The following RABGEF1 variants were observed in gnomAD, a reference collection of about 807,000 sequenced individuals.
The protein encoded by RABGEF1 is RAB guanine nucleotide exchange factor 1, also known as rab5 GDP/GTP exchange factor.
RABGEF1 carries 26 observed loss-of-function variants against 57.3 expected under a neutral mutation model. The observed-to-expected ratio is 0.45, with a 90% CI of 0.33 to 0.63. The LOEUF is 0.63. Ranked by LOEUF, RABGEF1 falls within the 20% of genes least tolerant of loss-of-function variation. RABGEF1 has a pLI of 0.02. For missense variants in RABGEF1, 464 were observed against 607.6 expected (o/e 0.76, Z 2.48); for synonymous variants, 185 against 210.7 (o/e 0.88, Z 1.06).
rs1224800315 is a variant in RABGEF1 at position 66,753,701 on chromosome 7, G to GTTTTTTTTTTTTT, written c.-18+12920_-18+12932dup. 4.7e-4 allele frequency among the ~76,000 whole-genome samples: 37 copies of GTTTTTTTTTTTTT among 78,772 alleles called. 5 individuals are homozygous for GTTTTTTTTTTTTT. In the East Asian group the frequency reaches 5.5e-3, roughly 12 times the overall value. 51.7% of individuals were successfully genotyped at this position (78,772 alleles called of 152,430 possible). A position where few individuals can be genotyped will look rare whatever the true frequency, so the allele number is the denominator to read the frequency against. On this transcript the variant is annotated intron_variant, in intron 1 of 8. Coordinates refer to ENST00000284957, the MANE Select transcript of RABGEF1 (RefSeq NM_014504.3). ...ATCTGAAAATGTCTATTTTGCCATC[G>GTTTTTTTTTTTTT]TTTTTTTTTTTTTTTTTTTTTTTGA...
intron 1 of RABGEF1, among the ~76,000 whole-genome samples, chr7:66,757,584 A>G (rs1803068443): frequency 6.6e-6 from 1 of 152,224 alleles, no homozygotes; most frequent in African/African-American, 2.4e-5. Flanking sequence ...TATGTACCAT[A>G]TACAGTAACT....
intron 4 of RABGEF1, among the ~76,000 whole-genome samples, chr7:66,785,059 A>G (rs180694905): frequency 2.0e-5 from 3 of 152,320 alleles, no homozygotes; most frequent in Admixed American, 1.3e-4. Context: ...TGTATGCTGT[A>G]TAATATGTTT....
At chr7:66,688,952 G>C (rs1299447751) in intron 1 of RABGEF1, among the ~76,000 whole-genome samples, 1 of 152,100 alleles carries the variant, frequency 6.6e-6, no homozygotes, top group Non-Finnish European at 1.5e-5. Flanking sequence ...AATTAGCCAG[G>C]CATGGTGGTG....
chr7:66,661,649 T>C, the RABGEF1 span, among the ~76,000 whole-genome samples: 17 of 152,150 alleles, frequency 1.1e-4, no homozygotes, highest in African/African-American at 3.1e-4. Context: ...AACAAAGAAA[T>C]ACCCCTGACT....
intron 1 of RABGEF1, among the ~76,000 whole-genome samples, chr7:66,685,491 C>CA (rs1010890862): frequency 2.7e-4 from 40 of 149,800 alleles, no homozygotes; most frequent in South Asian, 2.1e-4. Flanking sequence ...TGCATCTCTA[C>CA]AAAAAAAAAG....
chr7:66,783,506 T>C (rs1274425409), intron 3 of RABGEF1, among the ~76,000 whole-genome samples, 169 bp from the exon 4 acceptor site: 1 of 152,218 alleles, frequency 6.6e-6, no homozygotes, highest in African/African-American at 2.4e-5. Context: ...TAAAACAGAT[T>C]TAGTTTACTT....
chr7:66,710,964 G>A (rs546878483), intron 1 of RABGEF1, among the ~76,000 whole-genome samples: 65 of 151,514 alleles, frequency 4.3e-4, no homozygotes, highest in African/African-American at 1.4e-3. Context: ...GCAACATAGC[G>A]AGACCCTGTC....
the RABGEF1 span, among the ~76,000 whole-genome samples, chr7:66,659,778 C>CA: frequency 1.1e-3 from 152 of 141,604 alleles, no homozygotes; most frequent in South Asian, 1.7e-3. Flanking sequence ...GACTCCATCT[C>CA]AAAAAAAATA....
chr7:66,777,178 G>C (rs1808758693), intron 3 of RABGEF1, among the ~76,000 whole-genome samples: 2 of 152,166 alleles, frequency 1.3e-5, no homozygotes, highest in African/African-American at 4.8e-5. Flanking sequence ...TTCCTATTTA[G>C]CTTAAGGTCT....
chr7:66,776,707 A>C (rs1050232578), intron 3 of RABGEF1, among the ~76,000 whole-genome samples: 4 of 152,224 alleles, frequency 2.6e-5, no homozygotes, highest in African/African-American at 9.6e-5. Context: ...AAAAGGAAAG[A>C]AAAGAAAAAA....
chr7:66,799,540 G>C, intron 7 of RABGEF1, 126 bp downstream of exon 7: 1 of 724,476 alleles, frequency 1.4e-6, no homozygotes, highest in Non-Finnish European at 2.2e-6. Flanking sequence ...TAGTAAAAGT[G>C]ATTTGTAAGA....
chr7:66,682,710 A>AG (rs5884599), intron 1 of RABGEF1, among the ~76,000 whole-genome samples: 152,222 of 152,224 alleles, frequency 1, 76,110 homozygotes, highest in Non-Finnish European at 1. Context: ...CGGCCGCGGC[A>AG]GGGCGCCGGG....
intron 2 of RABGEF1, among the ~76,000 whole-genome samples, chr7:66,715,572 G>A (rs1795294201): frequency 6.6e-6 from 1 of 152,066 alleles, no homozygotes; most frequent in Non-Finnish European, 1.5e-5. Flanking sequence ...TTTCACCCAG[G>A]ATTATGTAGA....
At chr7:66,760,831 G>A (rs1343966550) in intron 1 of RABGEF1, among the ~76,000 whole-genome samples, 1 of 152,120 alleles carries the variant, frequency 6.6e-6, no homozygotes, top group African/African-American at 2.4e-5. Context: ...GTCTTGCTGT[G>A]TTGCCCAGGC....
the RABGEF1 span, among the ~76,000 whole-genome samples, chr7:66,664,923 G>C: frequency 6.6e-6 from 1 of 152,242 alleles, no homozygotes; most frequent in East Asian, 1.9e-4. Context: ...GGTGACTCTT[G>C]GGGGAGCAGC....
intron 2 of RABGEF1, 83 bp from the exon 3 acceptor site, chr7:66,775,144 C>T (rs1808222287): frequency 7.0e-7 from 1 of 1,422,232 alleles, no homozygotes; most frequent in Admixed American, 2.5e-5. Flanking sequence ...TTAGATCCTC[C>T]TGAATTAATG....
intron 1 of RABGEF1, among the ~76,000 whole-genome samples, chr7:66,747,459 T>A (rs926902704): frequency 1.3e-5 from 2 of 152,194 alleles, no homozygotes; most frequent in African/African-American, 4.8e-5. Flanking sequence ...TTGAAGCTAG[T>A]CTGTTCAGTT....
At chr7:66,744,103 CT>C (rs903309647) in intron 1 of RABGEF1, among the ~76,000 whole-genome samples, 2 of 149,298 alleles carry the variant, frequency 1.3e-5, no homozygotes, top group Admixed American at 6.7e-5. Context: ...GTGGCATGAT[CT>C]TGGCCACTGC....
At chr7:66,754,159 G>A (rs1367281851) in intron 1 of RABGEF1, among the ~76,000 whole-genome samples, 3 of 150,132 alleles carry the variant, frequency 2.0e-5, no homozygotes, top group Admixed American at 6.7e-5. Flanking sequence ...CCTCCAACAC[G>A]CCTGGCTAAT....
Sources: gnomAD v4.1 joint callset for allele counts (sites outside exome capture counted in the v4.1 genomes callset) on GRCh38, gnomAD v4.1.1 for gene constraint, MANE v1.5 for transcripts, NCBI Gene and HGNC (gene_info 2026-07-23, HGNC 2026-07-21) for gene names.